Variants in SRGAP3 observed in about 807,000 individuals in gnomAD.
SRGAP3 encodes SLIT-ROBO Rho GTPase-activating protein 3.
In SRGAP3, 39 loss-of-function variants were observed where a neutral mutation model predicts 121.1. The observed-to-expected ratio is 0.32, with a 90% CI of 0.25 to 0.42. The LOEUF is 0.42. SRGAP3 is among the 10% of genes least tolerant of loss of function. SRGAP3 has a pLI of 1.00. For synonymous variants in SRGAP3, 601 were observed against 570.0 expected (o/e 1.05, Z -0.77); for missense variants, 1,213 against 1,470.6 (o/e 0.82, Z 2.86).
chr3:9,159,422 T>C (rs1197590654), intron 1 of SRGAP3, among the ~76,000 whole-genome samples: 1 of 152,198 alleles, frequency 6.6e-6, no homozygotes, highest in African/African-American at 2.4e-5. Flanking sequence ...TGGGCCACTG[T>C]AGGACACCAT....
chr3:9,305,365 T>C (rs904779637), intron 3 of SRGAP3, among the ~76,000 whole-genome samples: 7 of 103,246 alleles, frequency 6.8e-5, no homozygotes, highest in African/African-American at 1.0e-4. Context: ...GGTCCTCTCT[T>C]TTTTTTTTTT....
chr3:9,001,901 C>G (rs1410934643), intron 18 of SRGAP3, among the ~76,000 whole-genome samples: 1 of 151,972 alleles, frequency 6.6e-6, no homozygotes, highest in Non-Finnish European at 1.5e-5. Flanking sequence ...AAAAGAGCAG[C>G]AAAATACATG....
chr3:9,207,081 T>C (rs1472206033), intron 1 of SRGAP3, among the ~76,000 whole-genome samples: 1 of 152,088 alleles, frequency 6.6e-6, no homozygotes, highest in African/African-American at 2.4e-5. Flanking sequence ...GTTCCTAGGA[T>C]ATAAGGTTTT....
chr3:9,133,352 C>T (rs538478550), intron 1 of SRGAP3, among the ~76,000 whole-genome samples: 25 of 152,016 alleles, frequency 1.6e-4, no homozygotes, highest in African/African-American at 5.1e-4. Context: ...GGCATGGTGG[C>T]GCACACCTGT....
chr3:9,182,329 T>C (rs1651196160), intron 1 of SRGAP3, among the ~76,000 whole-genome samples: 1 of 151,964 alleles, frequency 6.6e-6, no homozygotes, highest in Admixed American at 6.5e-5. Context: ...ATATGACTGA[T>C]ATCCTTGTAA....
intron 3 of SRGAP3, among the ~76,000 whole-genome samples, chr3:9,313,784 CAGG>C (rs1294367514): frequency 1.3e-5 from 2 of 152,170 alleles, no homozygotes; most frequent in African/African-American, 4.8e-5. Context: ...CACCTGAGAT[CAGG>C]AGTTCGAGAC....
At chr3:9,099,630 G>A (rs1487850953) in intron 3 of SRGAP3, among the ~76,000 whole-genome samples, 2 of 152,218 alleles carry the variant, frequency 1.3e-5, no homozygotes, top group African/African-American at 4.8e-5. Context: ...TTCCTCATCT[G>A]TGAAATGAGG....
At chr3:9,000,003 T>C (rs571701) in intron 18 of SRGAP3, among the ~76,000 whole-genome samples, 85,504 of 152,098 alleles carry the variant, frequency 0.56, 24,325 homozygotes, top group South Asian at 0.67. Flanking sequence ...CTCTGTTACT[T>C]GAACCAAGAC....
intron 1 of SRGAP3, among the ~76,000 whole-genome samples, chr3:9,173,141 G>A (rs1369565255): frequency 4.1e-4 from 62 of 152,326 alleles, no homozygotes; most frequent in Non-Finnish European, 1.6e-4. Flanking sequence ...GCCCAGCTCT[G>A]AGCTGGGCGC....
chr3:9,003,283 C>A (rs1942867650), intron 18 of SRGAP3, among the ~76,000 whole-genome samples: 2 of 152,190 alleles, frequency 1.3e-5, no homozygotes, highest in South Asian at 4.2e-4. Context: ...AGTTTGAGAT[C>A]AGCCTGCAAT....
At chr3:9,261,288 T>C (rs866718827) in intron 3 of SRGAP3, among the ~76,000 whole-genome samples, 5 of 152,164 alleles carry the variant, frequency 3.3e-5, no homozygotes, top group Middle Eastern at 3.4e-3. Flanking sequence ...AGAATGCCTC[T>C]TCTCCTCCAA....
At chr3:9,130,129 T>TCA (rs1949389763) in intron 1 of SRGAP3, among the ~76,000 whole-genome samples, 1 of 151,816 alleles carries the variant, frequency 6.6e-6, no homozygotes, top group Non-Finnish European at 1.5e-5. Context: ...AAGCCTCAGC[T>TCA]CACACACACA....
At position 9,000,754 on chromosome 3, in the gene SRGAP3, G is replaced by C. The variant is rs538925444; in HGVS notation, c.2228-6231C>G. ...GACTTCAGAAACTATCCCTATAATG[G>C]GGACAGAATTTGACTGCATTAATCT... On this transcript the variant is annotated intron_variant, in intron 18 of 21. Coordinates refer to ENST00000383836, the MANE Select transcript of SRGAP3 (RefSeq NM_014850.4). 3.3e-5 allele frequency among the ~76,000 whole-genome samples: 5 copies of C among 152,252 alleles called. No homozygotes were observed. In the South Asian group the frequency reaches 8.3e-4, roughly 25 times the overall value.
intron 7 of SRGAP3, among the ~76,000 whole-genome samples, chr3:9,056,614 G>C (rs1482752142): frequency 6.6e-6 from 1 of 152,204 alleles, no homozygotes; most frequent in African/African-American, 2.4e-5. Context: ...GGTTTACAAA[G>C]AGCCTTAATT....
At chr3:9,167,719 T>G (rs949829393) in intron 1 of SRGAP3, among the ~76,000 whole-genome samples, 3 of 152,188 alleles carry the variant, frequency 2.0e-5, no homozygotes, top group African/African-American at 7.2e-5. Context: ...AACTCTACTC[T>G]GCAGCATCTG....
intron 3 of SRGAP3, among the ~76,000 whole-genome samples, chr3:9,095,501 A>G (rs992913957): frequency 6.6e-6 from 1 of 152,218 alleles, no homozygotes; most frequent in African/African-American, 2.4e-5. Context: ...TGAGGAAAGT[A>G]TATGTTTATG....
chr3:9,060,838 C>T (rs913397645), intron 5 of SRGAP3, among the ~76,000 whole-genome samples: 12 of 152,156 alleles, frequency 7.9e-5, no homozygotes, highest in Non-Finnish European at 1.6e-4. Context: ...AAGGGCTGGA[C>T]CTGGACTCAG....
chr3:9,335,446 C>G (rs1032354645), intron 1 of SRGAP3, among the ~76,000 whole-genome samples: 6 of 152,166 alleles, frequency 3.9e-5, no homozygotes, highest in African/African-American at 1.4e-4. Flanking sequence ...GGGGCTTGGG[C>G]CATCAATTAG....
rs192676559 is a variant in SRGAP3, at chr3:9,209,613, C to T, written c.67+39272G>A. ...AAGGTTTATAGCCACTGATGCAGAA[C>T]CTTCCCTTCTAAATACATATCCTTC... On this transcript the variant is annotated intron_variant, in intron 1 of 21. Transcript: ENST00000383836. Among the ~76,000 whole-genome samples the T allele has an allele frequency of 1.1e-3, 174 of 152,320 alleles. No homozygotes were observed. The Middle Eastern group carries it at 0.027, about 24-fold the overall frequency.
Sources: allele counts gnomAD v4.1 joint callset (sites outside exome capture counted in the v4.1 genomes callset), GRCh38; gene constraint gnomAD v4.1.1; transcripts MANE v1.5; gene names NCBI Gene and HGNC (gene_info 2026-07-23, HGNC 2026-07-21).